TYW1: variants seen among roughly 807,000 people sequenced by gnomAD.
The protein encoded by TYW1 is tRNA-yW synthesizing protein 1 homolog.
In TYW1, 46 loss-of-function variants were observed where a neutral mutation model predicts 96.2. The observed-to-expected ratio is 0.48, with a 90% confidence interval of 0.38 to 0.61. TYW1 has a LOEUF of 0.61. Ranked by LOEUF, TYW1 falls within the 20% of genes least tolerant of loss-of-function variation. The probability of loss-of-function intolerance (pLI) is 0.00; values close to 1 mark genes in which losing one functional copy is unlikely to be tolerated. For missense variants in TYW1, 684 were observed against 909.6 expected (o/e 0.75, Z 3.19); for synonymous variants, 274 against 323.0 (o/e 0.85, Z 1.63).
chr7:67,177,856 A>G (rs1274983705), intron 13 of TYW1, among the ~76,000 whole-genome samples: 1 of 151,878 alleles, frequency 6.6e-6, no homozygotes, highest in East Asian at 1.9e-4. Flanking sequence ...GTTCTTGTGC[A>G]TCAAGAGACA....
chr7:67,093,240 A>C (rs949108199), intron 11 of TYW1, among the ~76,000 whole-genome samples: 5 of 152,180 alleles, frequency 3.3e-5, no homozygotes, highest in Admixed American at 3.3e-4. Context: ...GCACGTTTTG[A>C]ATGTGTATGT....
intron 11 of TYW1, among the ~76,000 whole-genome samples, chr7:67,084,300 T>C (rs1293352982): frequency 6.6e-6 from 1 of 152,202 alleles, no homozygotes; most frequent in African/African-American, 2.4e-5. Flanking sequence ...GTTTCTTCCA[T>C]CTAATGCACA....
At chr7:67,125,122 T>TG (rs1797874142) in intron 13 of TYW1, among the ~76,000 whole-genome samples, 1 of 152,212 alleles carries the variant, frequency 6.6e-6, no homozygotes, top group South Asian at 2.1e-4. Flanking sequence ...CGTGAGCCAC[T>TG]GCGCCTGGCC....
intron 3 of TYW1, among the ~76,000 whole-genome samples, chr7:67,006,030 A>G (rs1793572874): frequency 6.6e-6 from 1 of 152,144 alleles, no homozygotes; most frequent in African/African-American, 2.4e-5. Flanking sequence ...GCATTGCCAT[A>G]AAGGAATACC....
intron 15 of TYW1, among the ~76,000 whole-genome samples, chr7:67,202,789 C>G (rs1170729385): frequency 6.6e-6 from 1 of 152,138 alleles, no homozygotes; most frequent in Non-Finnish European, 1.5e-5. Context: ...TATTCTTACA[C>G]CAAGACAGCC....
At chr7:67,216,032 A>T (rs146510399) in intron 15 of TYW1, among the ~76,000 whole-genome samples, 1 of 152,024 alleles carries the variant, frequency 6.6e-6, no homozygotes, top group African/African-American at 2.4e-5. Flanking sequence ...TTGACACTCA[A>T]TATTAACCAT....
intron 13 of TYW1, among the ~76,000 whole-genome samples, chr7:67,166,541 C>G (rs1563051378): frequency 6.6e-6 from 1 of 150,862 alleles, no homozygotes; most frequent in Non-Finnish European, 1.5e-5. Flanking sequence ...TCAGCCCCTC[C>G]CCTCTCTAAA....
At chr7:67,080,376 T>A (rs1398092701) in intron 10 of TYW1, among the ~76,000 whole-genome samples, 3 of 152,016 alleles carry the variant, frequency 2.0e-5, no homozygotes, top group Non-Finnish European at 4.4e-5. Flanking sequence ...TATTTTATCT[T>A]ATACAAGGAT....
At chr7:67,206,204 A>G (rs1207075922) in intron 15 of TYW1, among the ~76,000 whole-genome samples, 2 of 152,194 alleles carry the variant, frequency 1.3e-5, no homozygotes, top group African/African-American at 2.4e-5. Context: ...TTAAGGTTGT[A>G]TGGCTGCTCT....
At chr7:67,184,106 A>G (rs1048471531) in intron 14 of TYW1, among the ~76,000 whole-genome samples, 3 of 152,244 alleles carry the variant, frequency 2.0e-5, no homozygotes, top group African/African-American at 7.2e-5. Context: ...GGTGTGAGCC[A>G]CTGTGCCCGG....
At chr7:67,165,632 T>A (rs1247334237) in intron 13 of TYW1, among the ~76,000 whole-genome samples, 1 of 152,118 alleles carries the variant, frequency 6.6e-6, no homozygotes, top group Admixed American at 6.5e-5. Context: ...ATACAACATA[T>A]AAAGAATTTT....
chr7:67,133,045 C>T (rs1015499040), intron 13 of TYW1, among the ~76,000 whole-genome samples: 11 of 152,142 alleles, frequency 7.2e-5, no homozygotes, highest in African/African-American at 1.9e-4. Context: ...TTTTTGTCAC[C>T]GTACCCTGTC....
In TYW1 at chr7:67,235,155, C is replaced by G. The variant is rs540149518; in HGVS notation, c.1978-3153C>G. Among the ~76,000 whole-genome samples, 7 of 152,254 alleles carry G rather than the reference C, an allele frequency of 4.6e-5. No homozygotes were observed. The East Asian group carries it at 1.2e-3, about 25-fold the overall frequency. On this transcript the variant is annotated intron_variant, in intron 15 of 15. Transcript: ENST00000359626. ...AGGGAAGAAGAGAGTATGGTCATCT[C>G]TTGTCTTTCAGCAAGCAACACTGGG...
intron 10 of TYW1, among the ~76,000 whole-genome samples, chr7:67,072,675 T>G (rs1188289653): frequency 6.6e-6 from 1 of 152,228 alleles, no homozygotes; most frequent in African/African-American, 2.4e-5. Flanking sequence ...TTACCTATTT[T>G]AATACAAATC....
rs143957909 is a variant in TYW1, at chr7:67,123,254, A to C, written c.1698+5636A>C. Among the ~76,000 whole-genome samples the C allele has an allele frequency of 5.4e-3, 821 of 152,162 alleles. 3 individuals carry two copies. The highest frequency in any genetic ancestry group is 7.2e-3 in the Non-Finnish European group (491 of 67,986). Reference sequence around the variant, plus strand: ...CTTTCATGTAAACCGTGGGACCCCTATCCACAGGCATAGATCCCCCAGGGC... The same window carrying C: ...CTTTCATGTAAACCGTGGGACCCCTCTCCACAGGCATAGATCCCCCAGGGC... On this transcript the variant is annotated intron_variant, in intron 13 of 15. Transcript: ENST00000359626.
At chr7:67,196,354 A>G (rs1034797568) in intron 15 of TYW1, among the ~76,000 whole-genome samples, 1 of 152,036 alleles carries the variant, frequency 6.6e-6, no homozygotes, top group Non-Finnish European at 1.5e-5. Context: ...TATGGTTTGT[A>G]TCTGATAATT....
chr7:67,108,749 A>C (rs1031474716), intron 12 of TYW1, among the ~76,000 whole-genome samples: 1 of 152,050 alleles, frequency 6.6e-6, no homozygotes, highest in East Asian at 1.9e-4. Flanking sequence ...GTCTGAATAC[A>C]GGTTCTTTTC....
At chr7:67,130,878 G>C (rs1220891529) in intron 13 of TYW1, among the ~76,000 whole-genome samples, 8 of 152,174 alleles carry the variant, frequency 5.3e-5, no homozygotes, top group Admixed American at 5.2e-4. Context: ...CCACCCAGGA[G>C]AGCAGGGGTT....
At chr7:67,076,895 C>G (rs1167965259) in intron 10 of TYW1, among the ~76,000 whole-genome samples, 3 of 151,992 alleles carry the variant, frequency 2.0e-5, no homozygotes, top group Admixed American at 2.0e-4. Flanking sequence ...TTGCCTCAGC[C>G]TCCTGACTAA....
Sources: allele counts gnomAD v4.1 joint callset (sites outside exome capture counted in the v4.1 genomes callset), GRCh38; gene constraint gnomAD v4.1.1; transcripts MANE v1.5; gene names NCBI Gene and HGNC (gene_info 2026-07-23, HGNC 2026-07-21).